Variants in ZNF521 observed in about 807,000 individuals in gnomAD.
ZNF521 encodes the protein zinc finger protein 521.
Under a neutral mutation model 105.5 loss-of-function variants are expected in ZNF521, and 14 were observed. That is an observed-to-expected ratio of 0.13 (90% CI 0.09 to 0.21). ZNF521 has a LOEUF of 0.21. Among genes scored for constraint, ZNF521 ranks in the 10% least tolerant of loss-of-function variants. The probability of loss-of-function intolerance (pLI) is 1.00; values close to 1 mark genes in which losing one functional copy is unlikely to be tolerated. For synonymous variants in ZNF521, 635 were observed against 606.0 expected, an observed-to-expected ratio of 1.05 and a Z score of -0.70; for missense variants, 1,233 against 1,629.7, an observed-to-expected ratio of 0.76 and a Z score of 4.19.
At chr18:25,183,631 T>C (rs1012632670) in intron 5 of ZNF521, among the ~76,000 whole-genome samples, 2 of 152,192 alleles carry the variant, frequency 1.3e-5, no homozygotes, top group Non-Finnish European at 1.5e-5. Flanking sequence ...AAGGGAACTT[T>C]GCTAAATATT....
intron 4 of ZNF521, among the ~76,000 whole-genome samples, chr18:25,217,347 T>C (rs1034134145): frequency 2.0e-5 from 3 of 152,152 alleles, no homozygotes; most frequent in African/African-American, 7.2e-5. Context: ...TATTTGAAGA[T>C]ACTTATTGGA....
intron 5 of ZNF521, among the ~76,000 whole-genome samples, chr18:25,155,382 A>C (rs2035124688): frequency 6.6e-6 from 1 of 152,014 alleles, no homozygotes; most frequent in Non-Finnish European, 1.5e-5. Context: ...TTTTTTCCAC[A>C]GCAGATTTTT....
intron 2 of ZNF521, 54 bp downstream of exon 2, chr18:25,350,853 C>G (rs368490332): frequency 1.3e-6 from 2 of 1,539,390 alleles, no homozygotes; most frequent in African/African-American, 2.8e-5. Context: ...GCTCCGCTAC[C>G]CACAGTGACA....
intron 7 of ZNF521, among the ~76,000 whole-genome samples, chr18:25,085,083 A>T (rs1440364156): frequency 1.3e-5 from 2 of 151,812 alleles, no homozygotes; most frequent in African/African-American, 4.8e-5. Flanking sequence ...GAAATAATGG[A>T]CTCTTATTCC....
At chr18:25,294,711 T>C (rs912049156) in intron 3 of ZNF521, among the ~76,000 whole-genome samples, 1 of 151,666 alleles carries the variant, frequency 6.6e-6, no homozygotes, top group Non-Finnish European at 1.5e-5. Context: ...AAAAATTAGC[T>C]GGGTGTGGTA....
chr18:25,340,744 G>C (rs1255192665), intron 2 of ZNF521, among the ~76,000 whole-genome samples: 1 of 152,122 alleles, frequency 6.6e-6, no homozygotes, highest in East Asian at 1.9e-4. Context: ...ACTTAGTATA[G>C]GGCAGGCAAC....
chr18:25,347,891 T>C (rs1914531059), intron 2 of ZNF521, among the ~76,000 whole-genome samples: 1 of 152,198 alleles, frequency 6.6e-6, no homozygotes, highest in Non-Finnish European at 1.5e-5. Flanking sequence ...TACATCTTGT[T>C]GGTTAAAGTA....
At chr18:25,294,302 G>A (rs1433844688) in intron 3 of ZNF521, among the ~76,000 whole-genome samples, 1 of 152,030 alleles carries the variant, frequency 6.6e-6, no homozygotes, top group African/African-American at 2.4e-5. Flanking sequence ...TTGCTTCTAG[G>A]TATAATTCAA....
intron 2 of ZNF521, among the ~76,000 whole-genome samples, chr18:25,330,797 C>T (rs539243800): frequency 1.2e-4 from 19 of 152,118 alleles, no homozygotes; most frequent in Non-Finnish European, 2.6e-4. Context: ...ATTTAAAATA[C>T]TTGTTTTAAA....
At chr18:25,077,117 C>G (rs1335590936) in intron 7 of ZNF521, among the ~76,000 whole-genome samples, 2 of 152,210 alleles carry the variant, frequency 1.3e-5, no homozygotes, top group Non-Finnish European at 2.9e-5. Context: ...GCTGTCCTAG[C>G]AAAATCCTTT....
chr18:25,076,193 A>G (rs2033357189), intron 7 of ZNF521, among the ~76,000 whole-genome samples: 1 of 152,246 alleles, frequency 6.6e-6, no homozygotes. Flanking sequence ...AAACCTCGAA[A>G]ATGGTAATCC....
chr18:25,225,858 A>G lies in ZNF521; in HGVS notation c.2060T>C (p.Phe687Ser). Residue 687 changes from phenylalanine to serine, a missense_variant, in exon 4 of 8, where the codon TTT becomes TCT. By Grantham distance (155) the Phe-to-Ser change is radical (BLOSUM62 -2). Coordinates refer to ENST00000361524, the MANE Select transcript of ZNF521 (RefSeq NM_015461.3). This position sits in a 1 kb window ranked among gnomAD's most constrained non-coding sequence, Gnocchi z 5.6. ...GATGTAATACGTTGAAGTGATCATAAAGTGAATGGTAACATGCTTCAGCAA... is the reference window on the plus strand; with the variant it reads ...GATGTAATACGTTGAAGTGATCATAGAGTGAATGGTAACATGCTTCAGCAA... Reference protein sequence around the residue: ...ESLLKHVTIHFMITSTYYICE... With the variant: ...ESLLKHVTIHSMITSTYYICE... The G allele has an allele frequency of 6.2e-7, 1 of 1,614,212 alleles. No homozygotes were observed. Among genetic ancestry groups the G allele is most frequent in the East Asian group, 2.2e-5 (1 of 44,878 alleles).
chr18:25,213,484 T>G (rs551644745), intron 4 of ZNF521, among the ~76,000 whole-genome samples: 69 of 152,160 alleles, frequency 4.5e-4, no homozygotes, highest in African/African-American at 1.6e-3. Flanking sequence ...CCTTGCATTC[T>G]TGTGATAAAC....
At chr18:25,193,604 C>T (rs1236097227) in intron 5 of ZNF521, among the ~76,000 whole-genome samples, 1 of 151,960 alleles carries the variant, frequency 6.6e-6, no homozygotes, top group Non-Finnish European at 1.5e-5. Context: ...TTCATTTTTT[C>T]TAAGCTGCTC....
intron 5 of ZNF521, among the ~76,000 whole-genome samples, chr18:25,159,866 T>C (rs369649634): frequency 4.6e-5 from 7 of 152,110 alleles, no homozygotes; most frequent in South Asian, 2.1e-4. Flanking sequence ...ATAGTACACA[T>C]GGTTATGCGG....
chr18:25,209,459 G>A lies in ZNF521; in HGVS notation c.3574-14215C>T, dbSNP rs565598761. Among the ~76,000 whole-genome samples, 6 of 152,170 alleles carry A rather than the reference G, an allele frequency of 3.9e-5. No individual in the cohort carries two copies. In the South Asian group the frequency reaches 1.2e-3, roughly 32 times the overall value. On this transcript the variant is annotated intron_variant, in intron 4 of 7. Transcript: ENST00000361524. ...AGGTTATACATCTAAATTACAAATC[G>A]TGGCCAAAAAGAGAGACAATTTTTA...
chr18:25,081,391 T>C (rs1403898741), intron 7 of ZNF521, among the ~76,000 whole-genome samples: 1 of 152,146 alleles, frequency 6.6e-6, no homozygotes, highest in East Asian at 1.9e-4. Flanking sequence ...AATTAATGGA[T>C]GGAGAATTTT....
intron 5 of ZNF521, 22 bp downstream of exon 5, chr18:25,195,138 T>C: frequency 5.1e-6 from 8 of 1,556,496 alleles, no homozygotes; most frequent in Non-Finnish European, 7.0e-6. Flanking sequence ...CTATCTGTAA[T>C]AAGGTTTAGA....
chr18:25,116,596 T>A (rs1287927586), intron 5 of ZNF521, among the ~76,000 whole-genome samples: 1 of 152,038 alleles, frequency 6.6e-6, no homozygotes, highest in African/African-American at 2.4e-5. Flanking sequence ...ATAACTACTA[T>A]AAATTTCAGA....
Sources: gnomAD v4.1 joint callset for allele counts (sites outside exome capture counted in the v4.1 genomes callset) on GRCh38, gnomAD v4.1.1 for gene constraint, Gnocchi (gnomAD v3.1) non-coding constraint, MANE v1.5 for transcripts, NCBI Gene and HGNC (gene_info 2026-07-23, HGNC 2026-07-21) for gene names.